The following SULF1 variants were observed in gnomAD, a reference collection of about 807,000 sequenced individuals.
The protein encoded by SULF1 is extracellular sulfatase Sulf-1.
A neutral mutation model predicts 110.5 loss-of-function variants in SULF1; 46 were observed. The ratio of observed to expected loss-of-function variants is 0.42; its 90% CI spans 0.33 to 0.53. The LOEUF (loss-of-function observed/expected upper bound fraction) is 0.53. SULF1 is among the 20% of genes least tolerant of loss of function. The pLI is 0.12. For missense variants in SULF1, 941 were observed against 1,094.2 expected (o/e 0.86, Z 1.98); for synonymous variants, 371 against 387.1 (o/e 0.96, Z 0.49).
chr8:69,604,733 A>AT, intron 12 of SULF1, 70 bp from the exon 13 acceptor site: 1 of 1,376,488 alleles, frequency 7.3e-7, no homozygotes, highest in Non-Finnish European at 9.8e-7. Context: ...AAAAAAAAAA[A>AT]GGGGGCAGGA....
At chr8:69,531,481 T>C (rs1238742680) in intron 3 of SULF1, among the ~76,000 whole-genome samples, 1 of 151,678 alleles carries the variant, frequency 6.6e-6, no homozygotes, top group Non-Finnish European at 1.5e-5. Context: ...CACTAAGTGT[T>C]CTCTTCTGCT....
intron 1 of SULF1, among the ~76,000 whole-genome samples, chr8:69,477,223 C>T (rs1443742137): frequency 6.6e-6 from 1 of 152,144 alleles, no homozygotes; most frequent in Admixed American, 6.5e-5. Context: ...TTCTGTCATA[C>T]AGAGTCACCT....
intron 3 of SULF1, among the ~76,000 whole-genome samples, chr8:69,554,615 G>A (rs927986696): frequency 1.3e-5 from 2 of 151,942 alleles, no homozygotes; most frequent in Non-Finnish European, 2.9e-5. Flanking sequence ...GGAAAGTTAT[G>A]GTTTTAGAAA....
chr8:69,554,701 G>A (rs1223135303), intron 3 of SULF1, among the ~76,000 whole-genome samples: 3 of 151,898 alleles, frequency 2.0e-5, no homozygotes, highest in African/African-American at 7.3e-5. Flanking sequence ...AGAAATTGGT[G>A]AGTCGCCGTG....
chr8:69,655,617 G>A lies in SULF1; in HGVS notation c.2586-2888G>A, dbSNP rs182731664. On this transcript the variant is annotated intron_variant, in intron 22 of 22. Transcript: ENST00000402687. ...AGACAGGGTTTCACCATGCTGGTCA[G>A]GCTGGTCTTAAACTCCTGACCTCAA... is the stretch of plus-strand genomic sequence containing the variant. Among the ~76,000 whole-genome samples, 472 of 152,232 alleles carry A rather than the reference G, an allele frequency of 3.1e-3. 13 individuals are homozygous for A. The highest frequency in any genetic ancestry group is 0.028 in the Admixed American group (427 of 15,278).
At chr8:69,497,190 A>ATCTG (rs1241530259) in intron 2 of SULF1, among the ~76,000 whole-genome samples, 1 of 127,266 alleles carries the variant, frequency 7.9e-6, no homozygotes, top group African/African-American at 3.1e-5. Context: ...CAGAGTCTTG[A>ATCTG]TCTGTCACCT....
intron 13 of SULF1, among the ~76,000 whole-genome samples, chr8:69,616,210 GTA>G (rs758049085): frequency 0.057 from 7,958 of 140,052 alleles, 353 homozygotes; most frequent in Middle Eastern, 0.077. Context: ...ATATGTGTGT[GTA>G]TATATATATA....
intron 22 of SULF1, among the ~76,000 whole-genome samples, chr8:69,650,917 G>A (rs74648391): frequency 0.051 from 7,740 of 152,118 alleles, 688 homozygotes; most frequent in African/African-American, 0.18. Context: ...CTTTTAAAGG[G>A]GAATGGCATT....
intron 8 of SULF1, among the ~76,000 whole-genome samples, chr8:69,592,415 T>C (rs1806973803): frequency 6.6e-6 from 1 of 152,238 alleles, no homozygotes; most frequent in South Asian, 2.1e-4. Flanking sequence ...ATAGATTCAG[T>C]AGTTCCTTTT....
At chr8:69,633,713 G>A (rs1177268880) in intron 19 of SULF1, among the ~76,000 whole-genome samples, 2 of 151,728 alleles carry the variant, frequency 1.3e-5, no homozygotes, top group Non-Finnish European at 1.5e-5. Context: ...TTTGCAGAAC[G>A]TGCAGTTTTG....
chr8:69,503,122 A>C lies in SULF1; in HGVS notation c.-134+1154A>C, dbSNP rs539305330. On this transcript the variant is annotated intron_variant, in intron 3 of 22. Transcript: ENST00000402687. ...GCCCGAATTTCAGGTTTGCCTTTTG[A>C]GGGTTGTTTTATCCAGCTTCTCTTT... Among the ~76,000 whole-genome samples, 30 of 152,300 alleles carry C rather than the reference A, an allele frequency of 2.0e-4. No individual in the cohort carries two copies. In the South Asian group the frequency reaches 6.0e-3, roughly 31 times the overall value.
rs557710380 is a variant in SULF1 at position 69,606,785 on chromosome 8, G to A, written c.1377+1853G>A. Among the ~76,000 whole-genome samples, 12 of 152,274 alleles carry A rather than the reference G, an allele frequency of 7.9e-5. No homozygotes were observed. The East Asian group carries it at 2.3e-3, about 29-fold the overall frequency. ...TGAACTTGTTTTGGCCCCATGAAAT[G>A]CTTTCATATCTGGAATTTTCTTCCA... is the stretch of plus-strand genomic sequence containing the variant. On this transcript the variant is annotated intron_variant, in intron 13 of 22. Transcript: ENST00000402687.
upstream of SULF1, among the ~76,000 whole-genome samples, chr8:69,491,546 A>T (rs1375726719): frequency 6.6e-6 from 1 of 152,258 alleles, no homozygotes; most frequent in East Asian, 1.9e-4. Flanking sequence ...GCCCTAAAGT[A>T]AGCTGACTTG....
intron 19 of SULF1, among the ~76,000 whole-genome samples, chr8:69,630,881 G>A (rs4738006): frequency 0.45 from 68,113 of 151,582 alleles, 15,793 homozygotes; most frequent in East Asian, 0.58. Context: ...GGTTTGTTAC[G>A]TATGTATACA....
chr8:69,658,644 C>A lies in SULF1; in HGVS notation c.*109C>A, dbSNP rs748618234. Reference sequence around the variant, plus strand: ...AAAACTACAGACTTAGTCTGGTGGACTGGACTAATTACTTGAAGGATTTAG... The same window carrying A: ...AAAACTACAGACTTAGTCTGGTGGAATGGACTAATTACTTGAAGGATTTAG... On this transcript the variant is annotated 3_prime_UTR_variant, in exon 23 of 23. Coordinates refer to ENST00000402687, the MANE Select transcript of SULF1 (RefSeq NM_001128205.2). 2 of 891,696 alleles carry A rather than the reference C, an allele frequency of 2.2e-6. No individual in the cohort carries two copies. The allele number at this position is 891,696 out of a possible 1,614,324, so 55.2% of individuals were successfully genotyped here.
At chr8:69,550,851 C>T (rs77319283) in intron 3 of SULF1, among the ~76,000 whole-genome samples, 3,767 of 152,288 alleles carry the variant, frequency 0.025, 135 homozygotes, top group African/African-American at 0.084. Flanking sequence ...TGCACCTGGT[C>T]CCCATGATTC....
chr8:69,483,726 C>A, intron 1 of SULF1, among the ~76,000 whole-genome samples: 1 of 152,112 alleles, frequency 6.6e-6, no homozygotes, highest in East Asian at 1.9e-4. Flanking sequence ...GAGTTCCAGG[C>A]TGCAATGAGC....
At chr8:69,635,036 T>C (rs1810876403) in intron 19 of SULF1, among the ~76,000 whole-genome samples, 1 of 152,188 alleles carries the variant, frequency 6.6e-6, no homozygotes, top group Non-Finnish European at 1.5e-5. Flanking sequence ...ACTCAGGTGA[T>C]CCGCCCACTG....
intron 3 of SULF1, chr8:69,563,212 G>C (rs570305241): frequency 1.3e-5 from 2 of 152,462 alleles, no homozygotes; most frequent in African/African-American, 4.8e-5. Context: ...CGTTCCCAAC[G>C]CTCTGTGGTT....
Sources: gnomAD v4.1 joint callset for allele counts (sites outside exome capture counted in the v4.1 genomes callset) on GRCh38, gnomAD v4.1.1 for gene constraint, MANE v1.5 for transcripts, NCBI Gene and HGNC (gene_info 2026-07-23, HGNC 2026-07-21) for gene names.